The following ASIC2 variants were observed in gnomAD, a reference collection of about 807,000 sequenced individuals.
The protein encoded by ASIC2 is acid-sensing ion channel 2.
ASIC2 carries 25 observed loss-of-function variants against 57.3 expected under a neutral mutation model. The ratio of observed to expected loss-of-function variants is 0.44; its 90% confidence interval spans 0.32 to 0.61. ASIC2 has a LOEUF of 0.61. Ranked by LOEUF, ASIC2 falls within the 20% of genes least tolerant of loss-of-function variation. ASIC2 has a pLI of 0.06. For missense variants in ASIC2, 641 were observed against 738.1 expected (o/e 0.87, Z 1.52); for synonymous variants, 319 against 307.5 (o/e 1.04, Z -0.39).
chr17:33,067,036 G>C (rs1418536080), intron 3 of ASIC2, among the ~76,000 whole-genome samples: 2 of 152,140 alleles, frequency 1.3e-5, no homozygotes, highest in African/African-American at 2.4e-5. Flanking sequence ...CTGAAGGAAG[G>C]GCATCACTGG....
chr17:33,470,657 G>A (rs1913019924), intron 1 of ASIC2, among the ~76,000 whole-genome samples: 1 of 152,180 alleles, frequency 6.6e-6, no homozygotes, highest in Non-Finnish European at 1.5e-5. Flanking sequence ...GGGATAGTGG[G>A]ACTCAGAGCT....
intron 1 of ASIC2, among the ~76,000 whole-genome samples, chr17:33,685,365 G>A (rs1908152903): frequency 1.3e-5 from 2 of 152,128 alleles, no homozygotes; most frequent in African/African-American, 4.8e-5. Context: ...TGCTGCATGT[G>A]TGGCCCTCAA....
chr17:33,834,841 T>C (rs1314572248), intron 1 of ASIC2, among the ~76,000 whole-genome samples: 3 of 152,184 alleles, frequency 2.0e-5, no homozygotes, highest in East Asian at 3.8e-4. Context: ...AGAGCCCTCC[T>C]ATGCCCAGGC....
chr17:33,747,030 G>A (rs909441493), intron 1 of ASIC2, among the ~76,000 whole-genome samples: 5 of 152,104 alleles, frequency 3.3e-5, no homozygotes, highest in South Asian at 2.1e-4. Context: ...ACTTGACAAC[G>A]ATGTTCTCCT....
intron 1 of ASIC2, among the ~76,000 whole-genome samples, chr17:33,585,738 T>A (rs961699283): frequency 6.6e-6 from 1 of 152,248 alleles, no homozygotes; most frequent in Non-Finnish European, 1.5e-5. Context: ...GGTAGGATGT[T>A]ATAACCTGCA....
At chr17:33,065,573 T>G (rs911923616) in intron 3 of ASIC2, among the ~76,000 whole-genome samples, 2 of 152,000 alleles carry the variant, frequency 1.3e-5, no homozygotes, top group African/African-American at 4.8e-5. Context: ...TGCCTTGGCC[T>G]CCCAAATGAT....
intron 1 of ASIC2, among the ~76,000 whole-genome samples, chr17:33,542,229 A>C (rs1319889953): frequency 6.6e-6 from 1 of 151,906 alleles, no homozygotes; most frequent in East Asian, 1.9e-4. Flanking sequence ...TCTTTATAGC[A>C]GCATGATTTA....
chr17:33,050,677 T>C (rs1356129553), intron 3 of ASIC2, among the ~76,000 whole-genome samples: 1 of 152,186 alleles, frequency 6.6e-6, no homozygotes, highest in Non-Finnish European at 1.5e-5. Flanking sequence ...TGCAAACTGT[T>C]AGACCATGAG....
intron 1 of ASIC2, among the ~76,000 whole-genome samples, chr17:33,496,691 C>T (rs1183958757): frequency 7.5e-6 from 1 of 133,146 alleles, no homozygotes; most frequent in Admixed American, 8.7e-5. Flanking sequence ...GAACTCAGCT[C>T]ATTGCAACCT....
At chr17:33,793,688 C>T (rs545050893) in intron 1 of ASIC2, 1 of 152,300 alleles carries the variant, frequency 6.6e-6, no homozygotes, top group Admixed American at 6.5e-5. Flanking sequence ...AAGCTTCTAC[C>T]ATGTGCCTGT....
chr17:33,927,069 CAGTCA>C (rs1915838454), intron 1 of ASIC2, among the ~76,000 whole-genome samples: 1 of 152,120 alleles, frequency 6.6e-6, no homozygotes, highest in South Asian at 2.1e-4. Context: ...GCTGGGATTA[CAGTCA>C]TGTGCCAACA....
chr17:33,490,531 A>G (rs1308277702), intron 1 of ASIC2, among the ~76,000 whole-genome samples: 1 of 152,160 alleles, frequency 6.6e-6, no homozygotes, highest in Non-Finnish European at 1.5e-5. Context: ...AGTGTTTTCC[A>G]TGCCGTTCCA....
chr17:33,296,470 G>C (rs1026507243), upstream of ASIC2, among the ~76,000 whole-genome samples: 1 of 152,204 alleles, frequency 6.6e-6, no homozygotes, highest in African/African-American at 2.4e-5. Context: ...AGGCAGAACA[G>C]GGGTGACCCA....
chr17:33,018,036 ATG>A (rs1339928130), intron 7 of ASIC2, among the ~76,000 whole-genome samples: 2 of 152,236 alleles, frequency 1.3e-5, no homozygotes, highest in Admixed American at 1.3e-4. Context: ...GAGAGCTAGG[ATG>A]TGTGTGGACT....
chr17:34,065,014 C>T (rs1030233764), intron 1 of ASIC2, among the ~76,000 whole-genome samples: 7 of 152,226 alleles, frequency 4.6e-5, no homozygotes, highest in African/African-American at 1.4e-4. Context: ...TTGGATCCAG[C>T]AATCCCCCTA....
intron 1 of ASIC2, among the ~76,000 whole-genome samples, chr17:34,154,040 T>C (rs1392018640): frequency 6.6e-6 from 1 of 152,074 alleles, no homozygotes; most frequent in Admixed American, 6.5e-5. Flanking sequence ...AAGCCACCAG[T>C]TGGACATGCA....
chr17:34,090,754 G>A lies in ASIC2; in HGVS notation c.555+65224C>T, dbSNP rs552192863. ...ACATCCACACTCCCCATTCTGGGCT[G>A]GGACCCCAAAAGTACTCAGCCAGAG... On this transcript the variant is annotated intron_variant, in intron 1 of 9. Transcript: ENST00000359872. Among the ~76,000 whole-genome samples, 3 of 152,310 alleles carry A rather than the reference G, an allele frequency of 2.0e-5. No individual in the cohort carries two copies. The South Asian group carries it at 6.2e-4, about 32-fold the overall frequency.
At chr17:33,690,949 CT>C (rs965534201) in intron 1 of ASIC2, among the ~76,000 whole-genome samples, 1 of 151,938 alleles carries the variant, frequency 6.6e-6, no homozygotes, top group African/African-American at 2.4e-5. Context: ...CGGGGTTTCA[CT>C]GTGTTAGCCA....
At chr17:33,664,236 G>A (rs1907398299) in intron 1 of ASIC2, among the ~76,000 whole-genome samples, 1 of 152,138 alleles carries the variant, frequency 6.6e-6, no homozygotes, top group African/African-American at 2.4e-5. Context: ...CTTTTCACCT[G>A]GGAAAGTATG....
Sources: allele counts gnomAD v4.1 joint callset (sites outside exome capture counted in the v4.1 genomes callset), GRCh38; gene constraint gnomAD v4.1.1; transcripts MANE v1.5; gene names NCBI Gene and HGNC (gene_info 2026-07-23, HGNC 2026-07-21).